CYP11A1: variants seen among roughly 807,000 people sequenced by gnomAD.
CYP11A1 encodes cytochrome P450 family 11 subfamily A member 1.
In CYP11A1, 25 loss-of-function variants were observed where a neutral mutation model predicts 51.9. The ratio of observed to expected loss-of-function variants is 0.48; its 90% CI spans 0.35 to 0.67. CYP11A1 has a LOEUF of 0.67. CYP11A1 is among the 30% of genes least tolerant of loss of function. The pLI is 0.00. For missense variants in CYP11A1, 578 were observed against 680.9 expected (o/e 0.85, Z 1.68); for synonymous variants, 245 against 262.1 (o/e 0.93, Z 0.63).
chr15:74,367,095 G>A (rs2060736761), intron 1 of CYP11A1: 1 of 597,604 alleles, frequency 1.7e-6, no homozygotes, highest in African/African-American at 1.9e-5. Flanking sequence ...AAAAGTAGAT[G>A]TCTGGTTTAG....
Position 74,367,331 on chromosome 15 carries a change from A to G in CYP11A1, c.255T>C (p.Tyr85=), listed in dbSNP as rs1207681571. 2 of 1,614,062 alleles carry G rather than the reference A, an allele frequency of 1.2e-6. No individual in the cohort carries two copies. The highest frequency in any genetic ancestry group is 2.7e-5 in the African/African-American group (2 of 74,918). The change falls in exon 1 of 9, where the codon TAT becomes TAC. Residue 85 remains tyrosine (Y), a synonymous_variant. Transcript: ENST00000268053. ...GCCAGGCTTACCTGTAAATCGGGCC[A>G]TACTTCTGGAAATTCTGGACATGGT... ...HLHHVQNFQK[Y]GPIYREKLGN...
At chr15:74,347,436 C>A (rs1363068114) in intron 2 of CYP11A1, among the ~76,000 whole-genome samples, 1 of 152,012 alleles carries the variant, frequency 6.6e-6, no homozygotes, top group Non-Finnish European at 1.5e-5. Context: ...TGAACAATTT[C>A]GTAGAAAACA....
At chr15:74,355,102 A>G (rs928420348) in intron 1 of CYP11A1, among the ~76,000 whole-genome samples, 2 of 151,296 alleles carry the variant, frequency 1.3e-5, no homozygotes, top group South Asian at 2.1e-4. Flanking sequence ...CCTTCTCTCC[A>G]TGTCTCTATC....
intron 1 of CYP11A1, among the ~76,000 whole-genome samples, chr15:74,360,531 G>A (rs1262871481): frequency 7.3e-5 from 11 of 150,118 alleles, no homozygotes; most frequent in African/African-American, 2.4e-4. Flanking sequence ...TGATCCACCC[G>A]CCTCGGCCTC....
In CYP11A1 at chr15:74,341,182, T is replaced by C. The variant is rs966305064; in HGVS notation, c.991-1429A>G. Among the ~76,000 whole-genome samples the C allele has an allele frequency of 7.0e-4, 107 of 152,168 alleles. 1 individual carries two copies. Among genetic ancestry groups the C allele is most frequent in the African/African-American group, 2.4e-3 (98 of 41,434 alleles). ...CATACCTTAGAGGGTTGTTTGTGAGTATTAAATGAGGTAACATATGTAAAC... is the reference window on the plus strand; with the variant it reads ...CATACCTTAGAGGGTTGTTTGTGAGCATTAAATGAGGTAACATATGTAAAC... On this transcript the variant is annotated intron_variant, in intron 5 of 8. Transcript: ENST00000268053.
chr15:74,341,440 G>A (rs1349635279), intron 5 of CYP11A1, among the ~76,000 whole-genome samples: 1 of 152,172 alleles, frequency 6.6e-6, no homozygotes, highest in African/African-American at 2.4e-5. Context: ...TCACCCAGGG[G>A]GCTTGACATG....
At chr15:74,343,667 C>T (rs936181378) in intron 4 of CYP11A1, 122 bp downstream of exon 4, 6 of 895,402 alleles carry the variant, frequency 6.7e-6, no homozygotes, top group South Asian at 6.6e-5. Flanking sequence ...ACACCCACGC[C>T]TGCCCGCCAC....
At chr15:74,362,260 TC>T (rs1481190588) in intron 1 of CYP11A1, 1 of 306,026 alleles carries the variant, frequency 3.3e-6, no homozygotes, top group Non-Finnish European at 6.0e-6. Flanking sequence ...CAATGCTTGA[TC>T]CCATATTCCT....
chr15:74,341,487 C>T (rs1416657607), intron 5 of CYP11A1, among the ~76,000 whole-genome samples: 1 of 152,198 alleles, frequency 6.6e-6, no homozygotes, highest in Non-Finnish European at 1.5e-5. Context: ...TTCCTTCTCT[C>T]TCCTCCTGGC....
In CYP11A1 at chr15:74,352,264, CTTTTT is replaced by C. The variant is rs34304260; in HGVS notation, c.270-4214_270-4210del. Among the ~76,000 whole-genome samples, 473 of 86,070 alleles carry C rather than the reference CTTTTT, an allele frequency of 5.5e-3. 4 individuals are homozygous for C. The highest frequency in any genetic ancestry group is 0.026 in the Middle Eastern group (3 of 116). The allele number at this position is 86,070 out of a possible 152,430, so 56.5% of individuals were successfully genotyped here. On this transcript the variant is annotated intron_variant, in intron 1 of 8. Transcript: ENST00000268053. Reference sequence around the variant, plus strand: ...TGAATTTTATGTTTGTCTTTGCTATCTTTTTTTTTTTTTTTTTTTTTTTGAGACAG... The same window carrying C: ...TGAATTTTATGTTTGTCTTTGCTATCTTTTTTTTTTTTTTTTTTGAGACAG...
At chr15:74,340,989 C>A (rs1012809357) in intron 5 of CYP11A1, among the ~76,000 whole-genome samples, 2 of 152,226 alleles carry the variant, frequency 1.3e-5, no homozygotes, top group African/African-American at 2.4e-5. Context: ...CTCTGCAAGA[C>A]TCTAATCAAA....
At chr15:74,342,305 A>G (rs969020536) in intron 5 of CYP11A1, among the ~76,000 whole-genome samples, 16 of 152,218 alleles carry the variant, frequency 1.1e-4, no homozygotes, top group African/African-American at 3.9e-4. Flanking sequence ...GCTGGTCTCG[A>G]ACTTCTGACC....
intron 1 of CYP11A1, chr15:74,356,606 T>A (rs1241252156): frequency 6.6e-6 from 1 of 152,206 alleles, no homozygotes; most frequent in African/African-American, 2.4e-5. Context: ...CTCTTAAAAC[T>A]TCCCAACTCT....
chr15:74,338,187 C>T, intron 8 of CYP11A1, 84 bp from the exon 9 acceptor site: 3 of 1,542,098 alleles, frequency 1.9e-6, no homozygotes, highest in South Asian at 1.1e-5. Context: ...TAGGCAGTGC[C>T]TGTGGAGTGT....
chr15:74,341,489 C>G (rs1376302027), intron 5 of CYP11A1, among the ~76,000 whole-genome samples: 1 of 152,216 alleles, frequency 6.6e-6, no homozygotes, highest in Non-Finnish European at 1.5e-5. Flanking sequence ...CCTTCTCTCT[C>G]CTCCTGGCAA....
At position 74,347,899 on chromosome 15, in the gene CYP11A1, C is replaced by A; in HGVS notation, c.425+1G>T. On this transcript the variant is annotated splice_donor_variant, in intron 2 of 8. Coordinates refer to ENST00000268053, the MANE Select transcript of CYP11A1 (RefSeq NM_000781.3). LOFTEE classifies it high-confidence loss of function. ...TCCCTGGGAGATGGCCCAGGACTCA[C>A]TTCAACAGGACTCCTATGGGTCTCT... 1 of 1,614,158 alleles carries A rather than the reference C, an allele frequency of 6.2e-7. No individual in the cohort carries two copies. Among genetic ancestry groups the A allele is most frequent in the Non-Finnish European group, 8.5e-7 (1 of 1,179,992 alleles).
At position 74,345,307 on chromosome 15, in the gene CYP11A1, G is replaced by T; in HGVS notation, c.426-64C>A. ...ACCCCAGGCCTGGTGAACACAGAGG[G>T]GGCTGACTCAGTTTTCCCAGGAAGC... is the stretch of plus-strand genomic sequence containing the variant. On this transcript the variant is annotated intron_variant, in intron 2 of 8. Coordinates refer to ENST00000268053, the MANE Select transcript of CYP11A1 (RefSeq NM_000781.3). This position sits in a 1 kb window ranked among gnomAD's most constrained non-coding sequence, Gnocchi z 4.3. 1 of 1,579,960 alleles carries T rather than the reference G, an allele frequency of 6.3e-7. No homozygotes were observed. Among genetic ancestry groups the T allele is most frequent in the South Asian group, 1.1e-5 (1 of 89,712 alleles).
In CYP11A1 at chr15:74,337,866, T is replaced by G; in HGVS notation, c.*106A>C. On this transcript the variant is annotated 3_prime_UTR_variant, in exon 9 of 9. Coordinates refer to ENST00000268053, the MANE Select transcript of CYP11A1 (RefSeq NM_000781.3). ...AACCCATTCAACCTGCTGAGCAGGC[T>G]GGGCAGAAAGGAGCAGGACTTGGGA... 6.7e-7 allele frequency: 1 copy of G among 1,498,618 alleles called. No individual in the cohort carries two copies. The highest frequency in any genetic ancestry group is 9.2e-7 in the Non-Finnish European group (1 of 1,086,568). 92.8% of individuals were successfully genotyped at this position (1,498,618 alleles called of 1,614,324 possible).
chr15:74,351,220 C>A (rs904857674), intron 1 of CYP11A1, among the ~76,000 whole-genome samples: 1 of 151,986 alleles, frequency 6.6e-6, no homozygotes, highest in Non-Finnish European at 1.5e-5. Context: ...GCGGCTGTTT[C>A]CTAGTAGCTC....
Sources: allele counts gnomAD v4.1 joint callset (sites outside exome capture counted in the v4.1 genomes callset), GRCh38; gene constraint gnomAD v4.1.1; non-coding constraint Gnocchi (gnomAD v3.1); transcripts MANE v1.5; gene names NCBI Gene and HGNC (gene_info 2026-07-23, HGNC 2026-07-21).